Variants in DPYD observed in about 807,000 individuals in gnomAD.
DPYD encodes the protein dihydropyrimidine dehydrogenase.
In DPYD, 109 loss-of-function variants were observed where a neutral mutation model predicts 116.2. The ratio of observed to expected loss-of-function variants is 0.94; its 90% confidence interval spans 0.80 to 1.10. The LOEUF (loss-of-function observed/expected upper bound fraction) is 1.10. Ranked by LOEUF, DPYD falls within the 50% of genes least tolerant of loss-of-function variation. The pLI is 0.00. For synonymous variants in DPYD, 440 were observed against 432.0 expected (o/e 1.02, Z -0.23); for missense variants, 1,302 against 1,254.5 (o/e 1.04, Z -0.57).
chr1:97,425,985 G>C (rs1674845492), intron 14 of DPYD, among the ~76,000 whole-genome samples: 1 of 150,858 alleles, frequency 6.6e-6, no homozygotes, highest in East Asian at 1.9e-4. Flanking sequence ...AGTTCTGAGT[G>C]GTTCTATGCA....
intron 5 of DPYD, among the ~76,000 whole-genome samples, chr1:97,701,560 T>G (rs1415376725): frequency 1.3e-5 from 2 of 151,890 alleles, no homozygotes; most frequent in Non-Finnish European, 2.9e-5. Flanking sequence ...CAGAGATCAA[T>G]AGATATAAAT....
At chr1:97,459,284 GA>G (rs1342748821) in intron 13 of DPYD, among the ~76,000 whole-genome samples, 2 of 152,102 alleles carry the variant, frequency 1.3e-5, no homozygotes, top group African/African-American at 2.4e-5. Flanking sequence ...TAGAGGTTAA[GA>G]GACATGGAGA....
intron 15 of DPYD, among the ~76,000 whole-genome samples, chr1:97,375,705 T>C (rs1019708389): frequency 6.6e-6 from 1 of 152,208 alleles, no homozygotes; most frequent in Non-Finnish European, 1.5e-5. Flanking sequence ...GCTGCTCAAG[T>C]GTCAACTGTG....
chr1:97,237,941 G>C (rs1243464655), intron 18 of DPYD, among the ~76,000 whole-genome samples: 2 of 151,860 alleles, frequency 1.3e-5, no homozygotes, highest in African/African-American at 4.8e-5. Flanking sequence ...AACAGTAAGG[G>C]GTAAAATTTC....
chr1:97,783,758 CAA>C (rs1226508931), intron 3 of DPYD, among the ~76,000 whole-genome samples: 1 of 152,206 alleles, frequency 6.6e-6, no homozygotes, highest in East Asian at 1.9e-4. Context: ...CTGGAAAAGA[CAA>C]AAAAAGTTGC....
chr1:97,175,982 C>T (rs1275680136), intron 20 of DPYD, among the ~76,000 whole-genome samples: 1 of 152,156 alleles, frequency 6.6e-6, no homozygotes, highest in Non-Finnish European at 1.5e-5. Context: ...TTCCCCTGTA[C>T]TTGACTTTTA....
intron 12 of DPYD, among the ~76,000 whole-genome samples, chr1:97,524,474 G>T (rs895096331): frequency 1.3e-5 from 2 of 152,066 alleles, no homozygotes; most frequent in Non-Finnish European, 2.9e-5. Context: ...TTCCACAAGG[G>T]GCTTGTGGTA....
chr1:97,813,811 C>G (rs1024187579), intron 3 of DPYD, among the ~76,000 whole-genome samples: 1 of 151,720 alleles, frequency 6.6e-6, no homozygotes, highest in African/African-American at 2.4e-5. Context: ...TTCATGATAT[C>G]TATTATTTTA....
At chr1:97,677,813 A>T (rs1244625526) in intron 8 of DPYD, among the ~76,000 whole-genome samples, 1 of 152,172 alleles carries the variant, frequency 6.6e-6, no homozygotes, top group Non-Finnish European at 1.5e-5. Flanking sequence ...TGGCATTTTG[A>T]TAAGAAAAGT....
chr1:97,139,576 C>T (rs1350671126), intron 20 of DPYD, among the ~76,000 whole-genome samples: 1 of 152,158 alleles, frequency 6.6e-6, no homozygotes, highest in Non-Finnish European at 1.5e-5. Flanking sequence ...AGTATCATTA[C>T]ATCCTTGGTT....
chr1:97,283,776 T>C (rs1284975372), intron 18 of DPYD, among the ~76,000 whole-genome samples: 1 of 152,154 alleles, frequency 6.6e-6, no homozygotes, highest in Non-Finnish European at 1.5e-5. Context: ...GTTTTATACT[T>C]CGTTTTTGCT....
chr1:97,338,856 T>C (rs1026979089), intron 16 of DPYD, among the ~76,000 whole-genome samples: 1 of 151,922 alleles, frequency 6.6e-6, no homozygotes, highest in African/African-American at 2.4e-5. Context: ...CAAAGAAAAA[T>C]TGCTACCTAT....
At chr1:97,775,432 A>T (rs1035888448) in intron 3 of DPYD, among the ~76,000 whole-genome samples, 13 of 152,180 alleles carry the variant, frequency 8.5e-5, no homozygotes, top group Admixed American at 5.2e-4. Context: ...TATTGGCAGG[A>T]CTTTTCTTAA....
chr1:97,530,765 T>A (rs1649559038), intron 12 of DPYD, among the ~76,000 whole-genome samples: 1 of 152,220 alleles, frequency 6.6e-6, no homozygotes, highest in Admixed American at 6.5e-5. Context: ...GGGTTTCAAT[T>A]TCTCCACAAA....
chr1:97,242,162 ATATATAT>A (rs1662409754), intron 18 of DPYD, among the ~76,000 whole-genome samples: 1 of 120,834 alleles, frequency 8.3e-6, no homozygotes, highest in Non-Finnish European at 1.7e-5. Flanking sequence ...ATATATATAT[ATATATAT>A]ATCTTCTAAG....
intron 16 of DPYD, among the ~76,000 whole-genome samples, chr1:97,329,807 C>T (rs1381404400): frequency 7.0e-6 from 1 of 143,436 alleles, no homozygotes; most frequent in Non-Finnish European, 1.5e-5. Context: ...GAATGGCACA[C>T]TAGATAAATG....
chr1:97,216,772 G>A (rs1660429370), intron 19 of DPYD, among the ~76,000 whole-genome samples: 1 of 152,138 alleles, frequency 6.6e-6, no homozygotes. Flanking sequence ...CCCAGCCTGG[G>A]TGACAGAGCG....
At chr1:97,903,686 T>C (rs1673474593) in intron 1 of DPYD, among the ~76,000 whole-genome samples, 1 of 151,954 alleles carries the variant, frequency 6.6e-6, no homozygotes, top group Non-Finnish European at 1.5e-5. Flanking sequence ...AGGCCCATTG[T>C]TTGGTAATTT....
At chr1:97,767,365 T>C (rs1054162658) in intron 3 of DPYD, among the ~76,000 whole-genome samples, 5 of 152,150 alleles carry the variant, frequency 3.3e-5, no homozygotes. Flanking sequence ...GCAGCTCTTC[T>C]TATCAAAGGG....
Sources: allele counts gnomAD v4.1 joint callset (sites outside exome capture counted in the v4.1 genomes callset), GRCh38; gene constraint gnomAD v4.1.1; transcripts MANE v1.5; gene names NCBI Gene and HGNC (gene_info 2026-07-23, HGNC 2026-07-21).